The following RYR2 variants were observed in gnomAD, a reference collection of about 807,000 sequenced individuals.
RYR2 encodes cardiac muscle ryanodine receptor-calcium release channel.
A neutral mutation model predicts 601.1 loss-of-function variants in RYR2; 227 were observed. The ratio of observed to expected loss-of-function variants is 0.38; its 90% CI spans 0.34 to 0.42. The LOEUF is 0.42. RYR2 is among the 10% of genes least tolerant of loss of function. The pLI is 1.00. For synonymous variants in RYR2, 2,223 were observed against 2,175.1 expected (o/e 1.02, Z -0.61); for missense variants, 4,646 against 6,156.5 (o/e 0.75, Z 8.21).
intron 1 of RYR2, among the ~76,000 whole-genome samples, chr1:237,205,094 T>C (rs1681656206): frequency 6.6e-6 from 1 of 152,140 alleles, no homozygotes; most frequent in South Asian, 2.1e-4. Context: ...GGGGCTGACA[T>C]GAGCTCCCCC....
At chr1:237,565,151 T>TTC (rs1671861509) in intron 27 of RYR2, among the ~76,000 whole-genome samples, 1 of 105,074 alleles carries the variant, frequency 9.5e-6, no homozygotes, top group African/African-American at 3.1e-5. Flanking sequence ...TTTTCTTTCT[T>TTC]TCTTTCTCTT....
intron 25 of RYR2, among the ~76,000 whole-genome samples, chr1:237,536,745 G>A (rs1572767198): frequency 6.8e-6 from 1 of 146,418 alleles, no homozygotes; most frequent in Admixed American, 6.8e-5. Context: ...AATTAGCCGG[G>A]CATGGTGGCA....
At chr1:237,599,415 A>G (rs1676246190) in intron 34 of RYR2, among the ~76,000 whole-genome samples, 1 of 152,142 alleles carries the variant, frequency 6.6e-6, no homozygotes, top group South Asian at 2.1e-4. Flanking sequence ...TAATACATTC[A>G]GTAAATTTGC....
At chr1:237,507,709 G>A (rs1450405383) in intron 23 of RYR2, among the ~76,000 whole-genome samples, 3 of 152,222 alleles carry the variant, frequency 2.0e-5, no homozygotes, top group Non-Finnish European at 2.9e-5. Flanking sequence ...TGTTATTTCA[G>A]TTGTACTGGT....
At chr1:237,213,915 C>CTTTTTTTTTTTTTTTTTTTTTTT (rs71180008) in intron 1 of RYR2, among the ~76,000 whole-genome samples, 1 of 65,498 alleles carries the variant, frequency 1.5e-5, no homozygotes, top group Non-Finnish European at 2.9e-5. Context: ...TTTTCTTTTT[C>CTTTTTTTTTTTTTTTTTTTTTTT]TTTTTTTTTT....
At chr1:237,634,842 G>T in intron 43 of RYR2, 47 bp from the exon 44 acceptor site, 2 of 1,435,418 alleles carry the variant, frequency 1.4e-6, no homozygotes, top group Non-Finnish European at 9.6e-7. Flanking sequence ...GGAGTTTATA[G>T]TTACAGCACG....
chr1:237,177,858 C>T (rs1456791868), intron 1 of RYR2, among the ~76,000 whole-genome samples: 1 of 151,998 alleles, frequency 6.6e-6, no homozygotes, highest in Admixed American at 6.6e-5. Flanking sequence ...CAAGATAATA[C>T]CAAATTATTT....
intron 3 of RYR2, among the ~76,000 whole-genome samples, chr1:237,339,721 T>C (rs908307686): frequency 2.0e-5 from 3 of 152,194 alleles, no homozygotes; most frequent in African/African-American, 7.2e-5. Context: ...CCCTGTTCTG[T>C]GTTTGCTTGG....
At chr1:237,189,910 T>C (rs1276690191) in intron 1 of RYR2, among the ~76,000 whole-genome samples, 1 of 151,756 alleles carries the variant, frequency 6.6e-6, no homozygotes, top group African/African-American at 2.4e-5. Context: ...TTTCACTTTG[T>C]CACCCAGGCT....
intron 63 of RYR2, among the ~76,000 whole-genome samples, chr1:237,692,864 A>G (rs1349666262): frequency 6.6e-6 from 1 of 152,196 alleles, no homozygotes; most frequent in Non-Finnish European, 1.5e-5. Flanking sequence ...CACTGATGGT[A>G]TGCCTACCAG....
At chr1:237,379,618 GT>G (rs531714508) in intron 8 of RYR2, among the ~76,000 whole-genome samples, 41 of 152,062 alleles carry the variant, frequency 2.7e-4, no homozygotes, top group African/African-American at 9.4e-4. Context: ...ACATTTTATT[GT>G]TTTTTTTATT....
At chr1:237,475,823 C>G (rs1334126924) in intron 17 of RYR2, among the ~76,000 whole-genome samples, 1 of 152,160 alleles carries the variant, frequency 6.6e-6, no homozygotes, top group African/African-American at 2.4e-5. Context: ...ATACGCATGA[C>G]CACTCTGAAT....
At chr1:237,204,669 A>G (rs574591771) in intron 1 of RYR2, among the ~76,000 whole-genome samples, 2 of 152,138 alleles carry the variant, frequency 1.3e-5, no homozygotes, top group East Asian at 1.9e-4. Flanking sequence ...TTCACTTTAT[A>G]TTGGCGGGGT....
rs564012833 is a variant in RYR2, at chr1:237,459,261, G to A, written c.1612+2526G>A. 5.6e-4 allele frequency among the ~76,000 whole-genome samples: 86 copies of A among 152,224 alleles called. 1 individual carries two copies. Among genetic ancestry groups the A allele is most frequent in the African/African-American group, 2.0e-3 (83 of 41,534 alleles). On this transcript the variant is annotated intron_variant, in intron 16 of 104. Coordinates refer to ENST00000366574, the MANE Select transcript of RYR2 (RefSeq NM_001035.3). The stretch of plus-strand genomic sequence containing the variant: ...GTAAAGAGTTGCATCACCTAGCCTG[G>A]ACAGCAGAGGAAAACCCTGTCTCTA...
At position 237,711,733 on chromosome 1, in the gene RYR2, G is replaced by T; in HGVS notation, c.10231-12G>T. ...AGTGGTTTTAACTGAAATTTCCTTT[G>T]CAACTTCTCAGAATTTCAAAAGAGA... is the stretch of plus-strand genomic sequence containing the variant. On this transcript the variant is annotated splice_polypyrimidine_tract_variant and intron_variant, in intron 70 of 104. Coordinates refer to ENST00000366574, the MANE Select transcript of RYR2 (RefSeq NM_001035.3). The T allele has an allele frequency of 6.8e-7, 1 of 1,480,816 alleles. No homozygotes were observed. The highest frequency in any genetic ancestry group is 9.4e-7 in the Non-Finnish European group (1 of 1,066,848). 91.7% of individuals were successfully genotyped at this position (1,480,816 alleles called of 1,614,324 possible).
rs923804654 is a variant in RYR2, at chr1:237,730,186, A to G, written c.10839-74A>G. On this transcript the variant is annotated intron_variant, in intron 76 of 104. Coordinates refer to ENST00000366574, the MANE Select transcript of RYR2 (RefSeq NM_001035.3). ...ACTTTCAGTGCACAGATAATCTAGTAATAAAGCACTACTCAATACAATTTC... is the reference window on the plus strand; with the variant it reads ...ACTTTCAGTGCACAGATAATCTAGTGATAAAGCACTACTCAATACAATTTC... 5 of 804,446 alleles carry G rather than the reference A, an allele frequency of 6.2e-6. No homozygotes were observed. In the African/African-American group the frequency reaches 8.4e-5, roughly 14 times the overall value. 49.8% of individuals were successfully genotyped at this position (804,446 alleles called of 1,614,324 possible).
intron 37 of RYR2, 30 bp from the exon 38 acceptor site, chr1:237,617,256 A>C: frequency 6.4e-7 from 1 of 1,554,962 alleles, no homozygotes; most frequent in Non-Finnish European, 8.7e-7. Flanking sequence ...TTTAGAAATT[A>C]AATTTGGTGT....
In RYR2 at chr1:237,042,369, A is replaced by T. The variant is rs983643824; in HGVS notation, c.-153A>T. 59 of 654,796 alleles carry T rather than the reference A, an allele frequency of 9.0e-5. No individual in the cohort carries two copies. In the African/African-American group the frequency reaches 1.1e-3, roughly 12 times the overall value. The allele number at this position is 654,796 out of a possible 1,614,324, so 40.6% of individuals were successfully genotyped here. A position where few individuals can be genotyped will look rare whatever the true frequency, so the allele number is the denominator to read the frequency against. Reference sequence around the variant, plus strand: ...GTCCGCGCCTCCTCCTCCGCTCTGCAGGCGGGGACCGCCCGGCGCTCGGCA... The same window carrying T: ...GTCCGCGCCTCCTCCTCCGCTCTGCTGGCGGGGACCGCCCGGCGCTCGGCA... On this transcript the variant is annotated 5_prime_UTR_variant, in exon 1 of 105. Coordinates refer to ENST00000366574, the MANE Select transcript of RYR2 (RefSeq NM_001035.3).
intron 63 of RYR2, among the ~76,000 whole-genome samples, chr1:237,692,485 G>T (rs967240205): frequency 6.6e-6 from 1 of 152,046 alleles, no homozygotes; most frequent in Non-Finnish European, 1.5e-5. Context: ...TAGAAAGCAC[G>T]TTTCTTAACC....
Sources: allele counts gnomAD v4.1 joint callset (sites outside exome capture counted in the v4.1 genomes callset), GRCh38; gene constraint gnomAD v4.1.1; transcripts MANE v1.5; gene names NCBI Gene and HGNC (gene_info 2026-07-23, HGNC 2026-07-21).